MVK: variants seen among roughly 807,000 people sequenced by gnomAD.
MVK encodes LH receptor mRNA-binding protein.
In MVK, 34 loss-of-function variants were observed where a neutral mutation model predicts 43.2. The ratio of observed to expected loss-of-function variants is 0.79; its 90% CI spans 0.60 to 1.05. MVK has a LOEUF of 1.05. Ranked by LOEUF, MVK falls within the 50% of genes least tolerant of loss-of-function variation. The pLI is 0.00. For synonymous variants in MVK, 190 were observed against 219.8 expected, an observed-to-expected ratio of 0.86 and a Z score of 1.20; for missense variants, 395 against 504.0, an observed-to-expected ratio of 0.78 and a Z score of 2.07.
chr12:109,592,375 TGA>T (rs1323716086), intron 9 of MVK, among the ~76,000 whole-genome samples: 2 of 152,212 alleles, frequency 1.3e-5, no homozygotes, highest in Non-Finnish European at 2.9e-5. Flanking sequence ...CCTTGCAGAA[TGA>T]GAGGATCGGG....
chr12:109,586,684 A>G (rs557202733), intron 6 of MVK, 70 bp from the exon 7 acceptor site: 109 of 1,571,748 alleles, frequency 6.9e-5, no homozygotes, highest in South Asian at 1.3e-4. Flanking sequence ...CCAAAGTTCA[A>G]CCTCTCTCCC....
rs11615637 is a variant in MVK at position 109,585,884 on chromosome 12, G to A, written c.528-138G>A. ...CTTGGCACGCTCCGTAGCTGGAGAG[G>A]TTCAGAGTGGACTTGTTCTTTCTGA... On this transcript the variant is annotated intron_variant, in intron 5 of 10. Coordinates refer to ENST00000228510, the MANE Select transcript of MVK (RefSeq NM_000431.4). The A allele has an allele frequency of 0.17, 121,137 of 729,262 alleles. 10,419 individuals are homozygous for A. The highest frequency in any genetic ancestry group is 0.19 in the Middle Eastern group (526 of 2,770). 45.2% of individuals were successfully genotyped at this position (729,262 alleles called of 1,614,324 possible).
chr12:109,596,703 C>T lies in MVK; in HGVS notation c.*126C>T. 4.5e-6 allele frequency: 6 copies of T among 1,347,982 alleles called. No individual in the cohort carries two copies. The highest frequency in any genetic ancestry group is 2.0e-5 in the Admixed American group (1 of 50,750). The allele number at this position is 1,347,982 out of a possible 1,614,324, so 83.5% of individuals were successfully genotyped here. On this transcript the variant is annotated 3_prime_UTR_variant, in exon 11 of 11. Transcript: ENST00000228510. ...GACACTGCTGGAGAGGCCCCAGCCG[C>T]TTGGCGATGCCAGCCAAGCTCTGCA...
intron 2 of MVK, 126 bp downstream of exon 2, chr12:109,575,026 G>T (rs1884873862): frequency 2.1e-6 from 2 of 931,940 alleles, no homozygotes; most frequent in Non-Finnish European, 3.4e-6. Flanking sequence ...GTTCTCCCCA[G>T]CCAGGCAAGG....
At chr12:109,585,111 C>T (rs1170447727) in intron 5 of MVK, among the ~76,000 whole-genome samples, 1 of 152,174 alleles carries the variant, frequency 6.6e-6, no homozygotes, top group Non-Finnish European at 1.5e-5. Flanking sequence ...TTTGTGAGCC[C>T]ACACCTGGTC....
intron 6 of MVK, among the ~76,000 whole-genome samples, chr12:109,586,421 C>A (rs1176420640): frequency 6.6e-6 from 1 of 152,162 alleles, no homozygotes; most frequent in Non-Finnish European, 1.5e-5. Context: ...TGCACACCAT[C>A]CAGGTGGCCT....
intron 3 of MVK, 98 bp from the exon 4 acceptor site, chr12:109,579,704 C>G: frequency 6.6e-7 from 1 of 1,513,162 alleles, no homozygotes; most frequent in South Asian, 1.1e-5. Context: ...CATCCATGTT[C>G]CAATTCCAGT....
chr12:109,586,534 G>A (rs953161656), intron 6 of MVK, among the ~76,000 whole-genome samples: 2 of 152,178 alleles, frequency 1.3e-5, no homozygotes, highest in African/African-American at 4.8e-5. Context: ...CTGGAGGGAG[G>A]GGGACCCAGG....
intron 9 of MVK, among the ~76,000 whole-genome samples, chr12:109,592,137 G>A (rs764898203): frequency 1.3e-5 from 2 of 152,236 alleles, no homozygotes; most frequent in Non-Finnish European, 2.9e-5. Flanking sequence ...CCAGCTACTC[G>A]AGAGGCTGAG....
At chr12:109,581,946 C>T (rs754258571) in intron 5 of MVK, among the ~76,000 whole-genome samples, 1 of 152,198 alleles carries the variant, frequency 6.6e-6, no homozygotes, top group Non-Finnish European at 1.5e-5. Flanking sequence ...AATGACAGTG[C>T]CCTAGGGGTG....
intron 9 of MVK, among the ~76,000 whole-genome samples, chr12:109,594,195 C>T (rs1057268373): frequency 6.6e-6 from 1 of 152,176 alleles, no homozygotes; most frequent in Non-Finnish European, 1.5e-5. Context: ...GGGCACCCAT[C>T]CTTAGAGCCC....
Position 109,595,015 on chromosome 12 carries a change from C to T in MVK, c.886-13C>T. On this transcript the variant is annotated splice_polypyrimidine_tract_variant and intron_variant, in intron 9 of 10. Coordinates refer to ENST00000228510, the MANE Select transcript of MVK (RefSeq NM_000431.4). The surrounding 1 kb of genome is among the most constrained non-coding windows in gnomAD (Gnocchi z 5.9). The stretch of plus-strand genomic sequence containing the variant: ...GCAGGCCAAGTGGGAACAGATGGAA[C>T]CTTCTCCCCTAGGAGCTCATTGACA... 2 of 1,614,116 alleles carry T rather than the reference C, an allele frequency of 1.2e-6. No homozygotes were observed. The highest frequency in any genetic ancestry group is 1.6e-4 in the Middle Eastern group (1 of 6,062).
In MVK at chr12:109,596,619, C is replaced by G; in HGVS notation, c.*42C>G. The G allele has an allele frequency of 6.3e-7, 1 of 1,593,152 alleles. No individual in the cohort carries two copies. Among genetic ancestry groups the G allele is most frequent in the African/African-American group, 1.4e-5 (1 of 73,500 alleles). Reference sequence around the variant, plus strand: ...TGCAGCCCCACCCAGATGCCCCTTTCTGGATTATTCTGGGGGCTGCAGTTC... The same window carrying G: ...TGCAGCCCCACCCAGATGCCCCTTTGTGGATTATTCTGGGGGCTGCAGTTC... On this transcript the variant is annotated 3_prime_UTR_variant, in exon 11 of 11. Transcript: ENST00000228510.
At chr12:109,573,779 C>A (rs966353469), upstream of MVK, 1 of 437,598 alleles carries the variant, frequency 2.3e-6, no homozygotes, top group Admixed American at 3.6e-5. Flanking sequence ...CGCCTCCTCC[C>A]CTTGAGGCAC....
upstream of MVK, chr12:109,573,476 G>C: frequency 6.2e-7 from 1 of 1,603,248 alleles, no homozygotes; most frequent in South Asian, 1.1e-5. Context: ...GCCGCACACA[G>C]CCATGAGCCA....
Position 109,586,263 on chromosome 12 carries a change from G to T in MVK, c.631+138G>T, listed in dbSNP as rs193196844. The T allele has an allele frequency of 5.9e-4, 453 of 773,578 alleles. 4 individuals are homozygous for T. In the African/African-American group the frequency reaches 6.5e-3, roughly 11 times the overall value. 47.9% of individuals were successfully genotyped at this position (773,578 alleles called of 1,614,324 possible). On this transcript the variant is annotated intron_variant, in intron 6 of 10. Coordinates refer to ENST00000228510, the MANE Select transcript of MVK (RefSeq NM_000431.4). ...GAAAAAATAGCATTTTCCTATTTTG[G>T]GGGGAATGGGGAGAAATCTTGGGGC...
In MVK at chr12:109,590,736, G is replaced by A. The variant is rs974966276; in HGVS notation, c.678-35G>A. ...TCCTGTCCCAGCTCCTCCATCTTGAGTTCAGTGTGGACCTGCCTCCTCTTC... is the reference window on the plus strand; with the variant it reads ...TCCTGTCCCAGCTCCTCCATCTTGAATTCAGTGTGGACCTGCCTCCTCTTC... On this transcript the variant is annotated intron_variant, in intron 7 of 10. Coordinates refer to ENST00000228510, the MANE Select transcript of MVK (RefSeq NM_000431.4). The A allele has an allele frequency of 4.4e-6, 7 of 1,598,954 alleles. No individual in the cohort carries two copies. In the East Asian group the frequency reaches 1.3e-4, roughly 31 times the overall value.
At chr12:109,584,778 G>A (rs1171369526) in intron 5 of MVK, among the ~76,000 whole-genome samples, 3 of 152,128 alleles carry the variant, frequency 2.0e-5, no homozygotes, top group Non-Finnish European at 2.9e-5. Context: ...CCAGCTACTC[G>A]GGAGGCTGAG....
intron 3 of MVK, chr12:109,579,084 C>G: frequency 3.0e-6 from 1 of 333,978 alleles, no homozygotes; most frequent in Non-Finnish European, 5.9e-6. Context: ...GCGATTGAGC[C>G]AGCATTCTCT....
Sources: gnomAD v4.1 joint callset for allele counts (sites outside exome capture counted in the v4.1 genomes callset) on GRCh38, gnomAD v4.1.1 for gene constraint, Gnocchi (gnomAD v3.1) non-coding constraint, MANE v1.5 for transcripts, NCBI Gene and HGNC (gene_info 2026-07-23, HGNC 2026-07-21) for gene names.